The following TENM4 variants were observed in gnomAD, a reference collection of about 807,000 sequenced individuals.
The protein encoded by TENM4 is teneurin transmembrane protein 4.
In TENM4, 82 loss-of-function variants were observed where a neutral mutation model predicts 243.3. That is an observed-to-expected ratio of 0.34 (90% CI 0.28 to 0.40). TENM4 has a LOEUF of 0.40. Ranked by LOEUF, TENM4 falls within the 10% of genes least tolerant of loss-of-function variation. The probability of loss-of-function intolerance (pLI) is 1.00; values close to 1 mark genes in which losing one functional copy is unlikely to be tolerated. For synonymous variants in TENM4, 1,412 were observed against 1,456.3 expected, an observed-to-expected ratio of 0.97 and a Z score of 0.69; for missense variants, 3,138 against 3,673.3, an observed-to-expected ratio of 0.85 and a Z score of 3.77.
chr11:78,919,447 G>C (rs1856395840), intron 6 of TENM4, among the ~76,000 whole-genome samples: 1 of 152,112 alleles, frequency 6.6e-6, no homozygotes, highest in African/African-American at 2.4e-5. Context: ...TCAGCACCCT[G>C]GCTAGGGTGA....
Position 78,763,966 on chromosome 11 carries a change from T to TC in TENM4, c.2540-6946dup, listed in dbSNP as rs1404367604. ...ATTGCAGTCCTGACTAGAAGTGGCT[T>TC]CCTGTTTGTTGTGTGACCTTAATGG... is the stretch of plus-strand genomic sequence containing the variant. On this transcript the variant is annotated intron_variant, in intron 18 of 33. Coordinates refer to ENST00000278550, the MANE Select transcript of TENM4 (RefSeq NM_001098816.3). Among the ~76,000 whole-genome samples the TC allele has an allele frequency of 3.3e-5, 5 of 152,362 alleles. No homozygotes were observed. In the East Asian group the frequency reaches 9.6e-4, roughly 29 times the overall value.
chr11:78,856,625 G>A (rs1367697421), intron 10 of TENM4, among the ~76,000 whole-genome samples: 2 of 151,880 alleles, frequency 1.3e-5, no homozygotes, highest in African/African-American at 4.8e-5. Context: ...CCAGCAGTGG[G>A]AAGCATGACT....
At chr11:78,663,162 C>T (rs1211204235) in intron 32 of TENM4, among the ~76,000 whole-genome samples, 1 of 152,204 alleles carries the variant, frequency 6.6e-6, no homozygotes, top group Non-Finnish European at 1.5e-5. Flanking sequence ...CAGGCTCAGC[C>T]TTCCTCAGGA....
At chr11:79,366,038 G>A (rs1366928489) in intron 1 of TENM4, among the ~76,000 whole-genome samples, 1 of 152,158 alleles carries the variant, frequency 6.6e-6, no homozygotes, top group Non-Finnish European at 1.5e-5. Flanking sequence ...GCCACAGTAA[G>A]CTAGTGGCTA....
At chr11:78,756,752 G>T in intron 19 of TENM4, 53 bp downstream of exon 19, 2 of 1,527,096 alleles carry the variant, frequency 1.3e-6, no homozygotes, top group South Asian at 2.4e-5. Context: ...GCTCTAGAGT[G>T]ATTCAGTTCT....
At chr11:78,704,906 C>T (rs183822027) in intron 27 of TENM4, among the ~76,000 whole-genome samples, 153 of 152,258 alleles carry the variant, frequency 1.0e-3, no homozygotes, top group African/African-American at 3.7e-3. Context: ...TTTCTCAGTT[C>T]TTTAGAGCAT....
intron 6 of TENM4, among the ~76,000 whole-genome samples, chr11:78,968,786 A>G (rs1442227175): frequency 6.6e-6 from 1 of 152,248 alleles, no homozygotes; most frequent in South Asian, 2.1e-4. Context: ...ATGACAACCC[A>G]TAACTTCAAT....
chr11:78,922,573 C>T (rs939288847), intron 6 of TENM4, among the ~76,000 whole-genome samples: 1 of 152,196 alleles, frequency 6.6e-6, no homozygotes, highest in Non-Finnish European at 1.5e-5. Flanking sequence ...TCTGAATATC[C>T]TATCCAAAGG....
intron 9 of TENM4, among the ~76,000 whole-genome samples, chr11:78,869,279 T>G (rs976122757): frequency 6.6e-6 from 1 of 152,168 alleles, no homozygotes; most frequent in African/African-American, 2.4e-5. Flanking sequence ...TAAAACACAA[T>G]GTCAGGAAAA....
chr11:79,055,541 C>T (rs1859920933), intron 6 of TENM4, among the ~76,000 whole-genome samples: 1 of 152,168 alleles, frequency 6.6e-6, no homozygotes, highest in Non-Finnish European at 1.5e-5. Context: ...TGTGCCCAGA[C>T]TATTTATTAT....
intron 1 of TENM4, among the ~76,000 whole-genome samples, chr11:79,386,619 T>C (rs1042465057): frequency 6.6e-6 from 1 of 152,004 alleles, no homozygotes; most frequent in African/African-American, 2.4e-5. Context: ...AAAGAAGACA[T>C]CCAAATGGCC....
At chr11:79,058,554 A>G (rs898676566) in intron 6 of TENM4, among the ~76,000 whole-genome samples, 4 of 152,028 alleles carry the variant, frequency 2.6e-5, no homozygotes, top group Non-Finnish European at 2.9e-5. Context: ...AAAAAAAAAA[A>G]AACAAAAAAA....
At position 78,750,079 on chromosome 11, in the gene TENM4, G is replaced by A. The variant is rs1236050564; in HGVS notation, c.2756+6726C>T. Among the ~76,000 whole-genome samples the A allele has an allele frequency of 3.3e-5, 5 of 152,120 alleles. No individual in the cohort carries two copies. The South Asian group carries it at 1.0e-3, about 32-fold the overall frequency. ...CACATTAAAATTTTCTCCATTCTCT[G>A]ATTGTCCTGGAAAGTTATGCTGTTG... On this transcript the variant is annotated intron_variant, in intron 19 of 33. Transcript: ENST00000278550.
At chr11:78,701,085 C>A (rs755277181) in intron 28 of TENM4, among the ~76,000 whole-genome samples, 10 of 152,084 alleles carry the variant, frequency 6.6e-5, no homozygotes, top group Non-Finnish European at 1.3e-4. Flanking sequence ...AATTTGAAGA[C>A]AAGAGCTTCA....
intron 2 of TENM4, among the ~76,000 whole-genome samples, chr11:79,264,395 A>G (rs1271736338): frequency 1.3e-5 from 2 of 152,208 alleles, no homozygotes; most frequent in African/African-American, 4.8e-5. Context: ...AAACAAAGGG[A>G]TTATTATTAA....
At chr11:78,732,270 A>C (rs758509444) in intron 21 of TENM4, 46 bp downstream of exon 21, 2 of 1,546,546 alleles carry the variant, frequency 1.3e-6, no homozygotes, top group East Asian at 4.5e-5. Flanking sequence ...TCCACCCCCA[A>C]AATGAAATAA....
chr11:79,014,054 C>A (rs972975038), intron 6 of TENM4, among the ~76,000 whole-genome samples: 4 of 152,170 alleles, frequency 2.6e-5, no homozygotes, highest in African/African-American at 9.7e-5. Context: ...TGGGCAGGAA[C>A]TCTTGTTATC....
chr11:78,771,328 G>A (rs892469956), intron 17 of TENM4, among the ~76,000 whole-genome samples, 190 bp from the exon 18 acceptor site: 1 of 152,194 alleles, frequency 6.6e-6, no homozygotes, highest in East Asian at 1.9e-4. Flanking sequence ...GGCTCAGAGA[G>A]GTGAAAGGAC....
intron 6 of TENM4, among the ~76,000 whole-genome samples, chr11:78,920,085 C>A (rs1856415946): frequency 6.6e-6 from 1 of 152,158 alleles, no homozygotes. Context: ...CAGTGCTTGT[C>A]ACATAGTAGG....
Sources: allele counts gnomAD v4.1 joint callset (sites outside exome capture counted in the v4.1 genomes callset), GRCh38; gene constraint gnomAD v4.1.1; transcripts MANE v1.5; gene names NCBI Gene and HGNC (gene_info 2026-07-23, HGNC 2026-07-21).